PDE11A: variants seen among roughly 807,000 people sequenced by gnomAD.
PDE11A encodes the protein phosphodiesterase 11A.
PDE11A carries 100 observed loss-of-function variants against 100.5 expected under a neutral mutation model. The ratio of observed to expected loss-of-function variants is 1.00; its 90% CI spans 0.85 to 1.18. PDE11A has a LOEUF of 1.18. PDE11A is among the 50% of genes most tolerant of loss of function. The pLI, the probability that PDE11A is intolerant of heterozygous loss-of-function variation, is 0.00. For missense variants in PDE11A, 1,141 were observed against 1,152.6 expected, an observed-to-expected ratio of 0.99 and a Z score of 0.15; for synonymous variants, 381 against 420.8, an observed-to-expected ratio of 0.91 and a Z score of 1.16.
chr2:177,933,616 G>C (rs1281153194), intron 2 of PDE11A, among the ~76,000 whole-genome samples: 1 of 151,994 alleles, frequency 6.6e-6, no homozygotes, highest in Non-Finnish European at 1.5e-5. Flanking sequence ...GGGAGGTGGA[G>C]GTTGCAGTGA....
chr2:177,831,437 G>C (rs1259914291), intron 6 of PDE11A, among the ~76,000 whole-genome samples: 1 of 152,236 alleles, frequency 6.6e-6, no homozygotes, highest in African/African-American at 2.4e-5. Flanking sequence ...TAGAAATCTA[G>C]TTTCCCTTCA....
At chr2:177,845,292 G>A (rs2083569027) in intron 5 of PDE11A, among the ~76,000 whole-genome samples, 4 of 150,516 alleles carry the variant, frequency 2.7e-5, no homozygotes, top group Admixed American at 2.6e-4. Context: ...TTGCCAGGCA[G>A]AGGGTCTCCT....
Position 178,096,963 on chromosome 2 carries a change from T to C in PDE11A, c.162+7339A>G, listed in dbSNP as rs565352156. Among the ~76,000 whole-genome samples, 55 of 152,300 alleles carry C rather than the reference T, an allele frequency of 3.6e-4. 1 individual carries two copies. Among genetic ancestry groups the C allele is most frequent in the African/African-American group, 1.3e-3 (53 of 41,562 alleles). The stretch of plus-strand genomic sequence containing the variant: ...GTGCAGTGGTGCAATCGCAACTCAT[T>C]GCAACCTCTGCCTCTGGGGTTCAAG... On this transcript the variant is annotated intron_variant, in intron 2 of 20. Coordinates refer to the PDE11A transcript ENST00000358450.
At chr2:177,763,825 T>A (rs1005466080) in intron 10 of PDE11A, among the ~76,000 whole-genome samples, 2 of 152,158 alleles carry the variant, frequency 1.3e-5, no homozygotes, top group African/African-American at 4.8e-5. Flanking sequence ...CTAGCGCGTG[T>A]AGTGCCTTTG....
intron 2 of PDE11A, among the ~76,000 whole-genome samples, chr2:177,977,714 C>T: frequency 7.0e-6 from 1 of 143,680 alleles, no homozygotes; most frequent in Non-Finnish European, 1.5e-5. Context: ...GTAACCAAAA[C>T]AGCATGGTAC....
rs149726844 is a variant in PDE11A at position 177,971,412 on chromosome 2, G to A, written c.1071+42890C>T. 1.6e-4 allele frequency among the ~76,000 whole-genome samples: 25 copies of A among 152,260 alleles called. 1 individual carries two copies. In the Middle Eastern group the frequency reaches 0.014, roughly 83 times the overall value. ...TTGCCCAGGTCCCCACAGCTAGCCT[G>A]TCAGGCTAGGAAGGCTCAAAAGTCC... is the stretch of plus-strand genomic sequence containing the variant. On this transcript the variant is annotated intron_variant, in intron 2 of 19. Coordinates refer to ENST00000286063, the MANE Select transcript of PDE11A (RefSeq NM_016953.4).
chr2:177,646,584 A>T (rs1043131564), intron 19 of PDE11A, among the ~76,000 whole-genome samples: 2 of 152,236 alleles, frequency 1.3e-5, no homozygotes, highest in African/African-American at 4.8e-5. Flanking sequence ...GCTGAGTACC[A>T]GGCTCATGGT....
At chr2:178,094,556 T>G (rs2087465505) in intron 2 of PDE11A, among the ~76,000 whole-genome samples, 1 of 151,906 alleles carries the variant, frequency 6.6e-6, no homozygotes, top group Non-Finnish European at 1.5e-5. Flanking sequence ...AAATGTTAAA[T>G]GAAAAATACA....
intron 1 of PDE11A, among the ~76,000 whole-genome samples, chr2:178,059,394 C>G (rs997123092): frequency 2.0e-5 from 3 of 152,160 alleles, no homozygotes; most frequent in East Asian, 3.9e-4. Flanking sequence ...TCCTGCCCAC[C>G]CCTGATCCAG....
intron 2 of PDE11A, among the ~76,000 whole-genome samples, chr2:177,926,034 TTC>T (rs2085120416): frequency 6.6e-6 from 1 of 151,998 alleles, no homozygotes; most frequent in Non-Finnish European, 1.5e-5. Context: ...GCAGCAAAAA[TTC>T]TCTCTAAATA....
intron 19 of PDE11A, among the ~76,000 whole-genome samples, chr2:177,636,778 C>T (rs1021027535): frequency 2.6e-5 from 4 of 152,114 alleles, no homozygotes; most frequent in Admixed American, 2.0e-4. Flanking sequence ...AGCATCCCTC[C>T]CCAAAGTTGT....
At chr2:177,930,933 T>G (rs951949283) in intron 2 of PDE11A, among the ~76,000 whole-genome samples, 2 of 152,230 alleles carry the variant, frequency 1.3e-5, no homozygotes, top group Non-Finnish European at 2.9e-5. Flanking sequence ...AACTTTCATA[T>G]GCAGGGAGTC....
At chr2:177,849,771 C>A (rs1325814395) in intron 5 of PDE11A, among the ~76,000 whole-genome samples, 5 of 137,678 alleles carry the variant, frequency 3.6e-5, no homozygotes, top group Non-Finnish European at 7.7e-5. Context: ...GCCTGGGCGA[C>A]AGAGCGAGAC....
At chr2:177,924,387 T>C (rs1325060774) in intron 2 of PDE11A, among the ~76,000 whole-genome samples, 1 of 152,170 alleles carries the variant, frequency 6.6e-6, no homozygotes, top group Non-Finnish European at 1.5e-5. Context: ...GTATTGGTCT[T>C]AAAGGGCAGA....
intron 2 of PDE11A, among the ~76,000 whole-genome samples, chr2:177,930,796 T>C (rs900125589): frequency 5.9e-5 from 9 of 152,186 alleles, no homozygotes; most frequent in African/African-American, 2.2e-4. Context: ...CAAATGCTCA[T>C]CCTGATTAAC....
At chr2:178,103,718 T>C (rs1285954002) in intron 2 of PDE11A, among the ~76,000 whole-genome samples, 3 of 151,766 alleles carry the variant, frequency 2.0e-5, no homozygotes, top group Non-Finnish European at 4.4e-5. Context: ...ACCATATATA[T>C]ATTTAACAGG....
chr2:177,801,343 T>G (rs537055487), intron 9 of PDE11A, among the ~76,000 whole-genome samples: 2 of 152,186 alleles, frequency 1.3e-5, no homozygotes, highest in Non-Finnish European at 2.9e-5. Flanking sequence ...TTCATGACAA[T>G]ATGAATACTG....
chr2:177,641,537 G>A (rs1335260847), intron 19 of PDE11A, among the ~76,000 whole-genome samples: 1 of 151,994 alleles, frequency 6.6e-6, no homozygotes, highest in Non-Finnish European at 1.5e-5. Flanking sequence ...CCAGATGGGA[G>A]GCAGCAAACA....
At chr2:177,722,810 G>A (rs1246291476) in intron 12 of PDE11A, among the ~76,000 whole-genome samples, 2 of 152,020 alleles carry the variant, frequency 1.3e-5, no homozygotes, top group African/African-American at 4.8e-5. Context: ...TTTTATTATA[G>A]TATTACAATA....
Sources: gnomAD v4.1 joint callset for allele counts (sites outside exome capture counted in the v4.1 genomes callset) on GRCh38, gnomAD v4.1.1 for gene constraint, MANE v1.5 for transcripts, NCBI Gene and HGNC (gene_info 2026-07-23, HGNC 2026-07-21) for gene names.